PACRG: variants seen among roughly 807,000 people sequenced by gnomAD.
PACRG encodes parkin coregulated, also known as parkin coregulated gene protein.
A neutral mutation model predicts 29.7 loss-of-function variants in PACRG; 29 were observed. The ratio of observed to expected loss-of-function variants is 0.98; its 90% CI spans 0.73 to 1.33. The LOEUF (loss-of-function observed/expected upper bound fraction) is 1.33, where lower values mean the gene tolerates loss of function less well. PACRG is among the 40% of genes most tolerant of loss of function. The pLI is 0.00. For synonymous variants in PACRG, 116 were observed against 118.7 expected, an observed-to-expected ratio of 0.98 and a Z score of 0.15; for missense variants, 279 against 316.2, an observed-to-expected ratio of 0.88 and a Z score of 0.89.
chr6:163,050,064 C>G (rs1809835644), intron 2 of PACRG, among the ~76,000 whole-genome samples: 1 of 152,008 alleles, frequency 6.6e-6, no homozygotes, highest in Non-Finnish European at 1.5e-5. Context: ...ATGATAATCT[C>G]TTTTAATAAG....
In PACRG at chr6:162,938,895, T is replaced by C. The variant is rs1337241701; in HGVS notation, c.292-123255T>C. Among the ~76,000 whole-genome samples, 5 of 152,244 alleles carry C rather than the reference T, an allele frequency of 3.3e-5. No individual in the cohort carries two copies. The East Asian group carries it at 9.7e-4, about 29-fold the overall frequency. On this transcript the variant is annotated intron_variant, in intron 2 of 4. Coordinates refer to ENST00000366888, the MANE Select transcript of PACRG (RefSeq NM_001080379.2). Reference sequence around the variant, plus strand: ...TCATTTGAGTTCTTTGTAGATTCTGTATATTAGTCTTTTGTCAGATGTATA... The same window carrying C: ...TCATTTGAGTTCTTTGTAGATTCTGCATATTAGTCTTTTGTCAGATGTATA...
At chr6:162,849,766 TAAATATTAAGATAGATTTA>T (rs1012769284) in intron 2 of PACRG, among the ~76,000 whole-genome samples, 8 of 151,894 alleles carry the variant, frequency 5.3e-5, no homozygotes, top group African/African-American at 9.6e-5. Context: ...TTGAAATATC[TAAATATTAAGATAGATTTA>T]AAATATCTCA....
chr6:162,756,736 C>A (rs1781956955), intron 1 of PACRG, among the ~76,000 whole-genome samples: 1 of 151,954 alleles, frequency 6.6e-6, no homozygotes, highest in Non-Finnish European at 1.5e-5. Flanking sequence ...TTCTCTCTTG[C>A]TATCTTTCTT....
At chr6:163,228,464 G>A (rs1406502487) in intron 4 of PACRG, among the ~76,000 whole-genome samples, 2 of 151,222 alleles carry the variant, frequency 1.3e-5, no homozygotes, top group Non-Finnish European at 2.9e-5. Context: ...ACATGTGCTG[G>A]ATTAATTCAT....
At chr6:162,931,536 G>T (rs1414290421) in intron 2 of PACRG, among the ~76,000 whole-genome samples, 1 of 151,936 alleles carries the variant, frequency 6.6e-6, no homozygotes, top group East Asian at 1.9e-4. Context: ...CAGTTGATAT[G>T]ATATGCAGTT....
chr6:163,134,765 T>C (rs557545108), intron 4 of PACRG, among the ~76,000 whole-genome samples: 4 of 152,360 alleles, frequency 2.6e-5, no homozygotes, highest in South Asian at 2.1e-4. Context: ...TGGACTAATA[T>C]ATGTTTTTAA....
At chr6:163,107,090 G>A (rs899318126) in intron 4 of PACRG, among the ~76,000 whole-genome samples, 1 of 152,176 alleles carries the variant, frequency 6.6e-6, no homozygotes, top group Non-Finnish European at 1.5e-5. Flanking sequence ...AAGAGAAACA[G>A]AGAGAGGGAG....
intron 4 of PACRG, among the ~76,000 whole-genome samples, chr6:163,152,269 G>T (rs1422918842): frequency 2.0e-5 from 3 of 152,246 alleles, no homozygotes; most frequent in East Asian, 3.9e-4. Context: ...ACATTAAATG[G>T]CTATTTTTAG....
In PACRG at chr6:162,766,545, A is replaced by G. The variant is rs59463933; in HGVS notation, c.156+38154A>G. Among the ~76,000 whole-genome samples the G allele has an allele frequency of 8.3e-3, 1,270 of 152,252 alleles. 24 individuals are homozygous for G. The highest frequency in any genetic ancestry group is 0.029 in the African/African-American group (1,216 of 41,534). ...GTGCAAACACCTTTTCAATGTACTGATTTGAGATCCTTTGTGTTTATACCC... is the reference window on the plus strand; with the variant it reads ...GTGCAAACACCTTTTCAATGTACTGGTTTGAGATCCTTTGTGTTTATACCC... On this transcript the variant is annotated intron_variant, in intron 1 of 4. Coordinates refer to ENST00000366888, the MANE Select transcript of PACRG (RefSeq NM_001080379.2).
At chr6:162,727,514 CGGCGGCGCGGGCCGGG>C, upstream of PACRG, 1 of 876,054 alleles carries the variant, frequency 1.1e-6, no homozygotes, top group Non-Finnish European at 1.7e-6. Context: ...CTGGGGAGCC[CGGCGGCGCGGGCCGGG>C]GACGGCACGG....
At chr6:163,292,839 TTC>T (rs1265937187) in intron 4 of PACRG, among the ~76,000 whole-genome samples, 6 of 152,190 alleles carry the variant, frequency 3.9e-5, no homozygotes. Context: ...TAGTTCAAAG[TTC>T]TGTTTCTTTC....
intron 4 of PACRG, among the ~76,000 whole-genome samples, chr6:163,108,716 G>A (rs1585224482): frequency 6.6e-6 from 1 of 152,112 alleles, no homozygotes. Flanking sequence ...AAATTACGCA[G>A]TCTTGGGTAG....
chr6:163,143,790 G>A (rs1210350448), intron 4 of PACRG, among the ~76,000 whole-genome samples: 1 of 152,024 alleles, frequency 6.6e-6, no homozygotes, highest in Non-Finnish European at 1.5e-5. Context: ...GCCAGGGCTG[G>A]GTCTCATGGG....
At chr6:162,727,586 G>C (rs1266284786), upstream of PACRG, 1 of 1,471,962 alleles carries the variant, frequency 6.8e-7, no homozygotes, top group Non-Finnish European at 9.3e-7. Context: ...GGTCCTGGTC[G>C]GCCGAGGCGG....
At chr6:163,027,847 C>G (rs564839069) in intron 2 of PACRG, among the ~76,000 whole-genome samples, 1 of 152,204 alleles carries the variant, frequency 6.6e-6, no homozygotes. Context: ...CTCATTCATG[C>G]GCCCATGAAA....
chr6:163,239,230 A>G (rs1782366196), intron 4 of PACRG, among the ~76,000 whole-genome samples: 1 of 152,196 alleles, frequency 6.6e-6, no homozygotes, highest in Non-Finnish European at 1.5e-5. Context: ...GTAAGATATG[A>G]TTATTTTTCT....
chr6:163,227,407 C>T (rs189846813), intron 4 of PACRG, among the ~76,000 whole-genome samples: 49 of 152,348 alleles, frequency 3.2e-4, no homozygotes, highest in African/African-American at 5.3e-4. Context: ...CAGGCCTCGC[C>T]TCCAACACTG....
intron 1 of PACRG, among the ~76,000 whole-genome samples, chr6:162,756,666 G>T (rs576509594): frequency 6.6e-6 from 1 of 151,834 alleles, no homozygotes; most frequent in Non-Finnish European, 1.5e-5. Context: ...GCAAGGTAAG[G>T]GCTTGCTATT....
intron 2 of PACRG, among the ~76,000 whole-genome samples, chr6:162,904,122 C>T (rs1029240554): frequency 6.6e-6 from 1 of 152,198 alleles, no homozygotes; most frequent in Non-Finnish European, 1.5e-5. Flanking sequence ...CCTTCAGAAC[C>T]TCAGCTTTTC....
Sources: allele counts gnomAD v4.1 joint callset (sites outside exome capture counted in the v4.1 genomes callset), GRCh38; gene constraint gnomAD v4.1.1; transcripts MANE v1.5; gene names NCBI Gene and HGNC (gene_info 2026-07-23, HGNC 2026-07-21).